Variants in FBN2 observed in about 807,000 individuals in gnomAD.
FBN2 encodes fibrillin-2.
Under a neutral mutation model 355.6 loss-of-function variants are expected in FBN2, and 105 were observed. The ratio of observed to expected loss-of-function variants is 0.30; its 90% CI spans 0.25 to 0.35. FBN2 has a LOEUF of 0.35. Ranked by LOEUF, FBN2 falls within the 10% of genes least tolerant of loss-of-function variation. FBN2 has a pLI of 1.00. For missense variants in FBN2, 3,280 were observed against 3,758.7 expected, an observed-to-expected ratio of 0.87 and a Z score of 3.33; for synonymous variants, 1,350 against 1,301.2, an observed-to-expected ratio of 1.04 and a Z score of -0.81.
intron 6 of FBN2, among the ~76,000 whole-genome samples, chr5:128,451,435 T>C (rs1455176903): frequency 1.3e-5 from 2 of 152,210 alleles, no homozygotes; most frequent in African/African-American, 2.4e-5. Context: ...TACTTGCTCC[T>C]GTTGCCCAGG....
Position 128,258,382 on chromosome 5 carries a change from T to A in FBN2, c.*1073A>T, listed in dbSNP as rs1764871743. On this transcript the variant is annotated 3_prime_UTR_variant, in exon 65 of 65. Transcript: ENST00000262464. ...ATTAATGAAAATTCTAAAAAAAAAA[T>A]GGGTTTAAAACAACAACAACAACAT... 1 of 151,996 alleles carries A rather than the reference T, an allele frequency of 6.6e-6. No homozygotes were observed. Among genetic ancestry groups the A allele is most frequent in the Non-Finnish European group, 1.5e-5 (1 of 67,930 alleles). 9.4% of individuals were successfully genotyped at this position (151,996 alleles called of 1,614,324 possible).
chr5:128,281,154 A>C (rs923185683), intron 55 of FBN2, among the ~76,000 whole-genome samples: 2 of 152,176 alleles, frequency 1.3e-5, no homozygotes, highest in East Asian at 1.9e-4. Context: ...TGGTACTACA[A>C]TTCTATTAAA....
At chr5:128,363,337 G>A (rs1256985159) in intron 18 of FBN2, among the ~76,000 whole-genome samples, 1 of 151,942 alleles carries the variant, frequency 6.6e-6, no homozygotes, top group Non-Finnish European at 1.5e-5. Context: ...TTACAGGCAC[G>A]TGCCACCATG....
chr5:128,416,160 G>A (rs1753192719), intron 7 of FBN2, among the ~76,000 whole-genome samples: 1 of 151,906 alleles, frequency 6.6e-6, no homozygotes, highest in African/African-American at 2.4e-5. Flanking sequence ...CAAGTAGCTA[G>A]GATTACAGGC....
chr5:128,341,675 G>A (rs1751024374), intron 25 of FBN2, among the ~76,000 whole-genome samples: 1 of 152,190 alleles, frequency 6.6e-6, no homozygotes, highest in Admixed American at 6.5e-5. Flanking sequence ...CATGGGCTGA[G>A]GACTTCAGTG....
At chr5:128,335,837 C>T in intron 28 of FBN2, 151 bp downstream of exon 28, 1 of 877,654 alleles carries the variant, frequency 1.1e-6, no homozygotes, top group Non-Finnish European at 1.8e-6. Context: ...GAGTCTGCTG[C>T]AAGATCACAC....
At chr5:128,370,375 G>T (rs1751900403) in intron 15 of FBN2, among the ~76,000 whole-genome samples, 1 of 151,954 alleles carries the variant, frequency 6.6e-6, no homozygotes, top group African/African-American at 2.4e-5. Context: ...ATGCAAAATG[G>T]CCATCCAATA....
chr5:128,327,639 GTT>G (rs1340152161), intron 34 of FBN2, among the ~76,000 whole-genome samples: 3 of 145,268 alleles, frequency 2.1e-5, no homozygotes, highest in Non-Finnish European at 4.5e-5. Flanking sequence ...GTTTGTTTTT[GTT>G]TTTGTTTTTT....
chr5:128,319,387 C>A (rs1356146285), intron 34 of FBN2, among the ~76,000 whole-genome samples: 1 of 151,546 alleles, frequency 6.6e-6, no homozygotes, highest in South Asian at 2.1e-4. Flanking sequence ...AAACAGCAGA[C>A]ATTTTATAGT....
intron 15 of FBN2, 28 bp downstream of exon 15, chr5:128,374,600 T>G: frequency 6.2e-7 from 1 of 1,613,774 alleles, no homozygotes; most frequent in Non-Finnish European, 8.5e-7. Flanking sequence ...TTTTGCACAG[T>G]GGGGCCATTA....
chr5:128,315,669 C>A (rs897064466), intron 36 of FBN2, among the ~76,000 whole-genome samples: 1 of 152,190 alleles, frequency 6.6e-6, no homozygotes, highest in African/African-American at 2.4e-5. Context: ...TACATACCTG[C>A]CTTTATCTCT....
chr5:128,484,100 G>T (rs1028481742), intron 5 of FBN2, among the ~76,000 whole-genome samples: 1 of 152,138 alleles, frequency 6.6e-6, no homozygotes, highest in Non-Finnish European at 1.5e-5. Context: ...TTTTCTAACA[G>T]ATTTTCATAG....
At chr5:128,380,258 T>A (rs999447033) in intron 11 of FBN2, among the ~76,000 whole-genome samples, 1 of 152,104 alleles carries the variant, frequency 6.6e-6, no homozygotes, top group African/African-American at 2.4e-5. Flanking sequence ...GACTTTCCAA[T>A]ATGAAATACC....
chr5:128,360,911 T>C (rs116079955), intron 19 of FBN2, among the ~76,000 whole-genome samples: 1,954 of 152,198 alleles, frequency 0.013, 17 homozygotes, highest in Non-Finnish European at 0.021. Context: ...AAAGTAGTAA[T>C]TGGATTTGAG....
rs1339607399 is a variant in FBN2 at position 128,258,864 on chromosome 5, T to G, written c.*591A>C. Reference sequence around the variant, plus strand: ...ACTGCCCATTCAGCTCTGTGTGGCTTTCTTTAAAATCATCAGGTGTGTATC... The same window carrying G: ...ACTGCCCATTCAGCTCTGTGTGGCTGTCTTTAAAATCATCAGGTGTGTATC... On this transcript the variant is annotated 3_prime_UTR_variant, in exon 65 of 65. Coordinates refer to ENST00000262464, the MANE Select transcript of FBN2 (RefSeq NM_001999.4). The G allele has an allele frequency of 6.5e-6, 1 of 154,700 alleles. No homozygotes were observed. The highest frequency in any genetic ancestry group is 2.4e-5 in the African/African-American group (1 of 41,458). 9.6% of individuals were successfully genotyped at this position (154,700 alleles called of 1,614,324 possible).
Position 128,392,088 on chromosome 5 carries a change from T to C in FBN2, c.1533A>G (p.Ile511Met). The C allele has an allele frequency of 6.2e-7, 1 of 1,613,538 alleles. No individual in the cohort carries two copies. The part of the protein sequence containing the change: ...HANLCLNGRC[I>M]PTVSSYRCEC... ...CACATCGGTAGCTTGAGACAGTTGGTATACAGCGTCCATTTAAACAAAGGT... is the reference window on the plus strand; with the variant it reads ...CACATCGGTAGCTTGAGACAGTTGGCATACAGCGTCCATTTAAACAAAGGT... Residue 511 changes from isoleucine to methionine, a missense_variant, in exon 11 of 65, where the codon ATA (isoleucine) becomes ATG (methionine). Transcript: ENST00000262464.
intron 17 of FBN2, 107 bp downstream of exon 17, chr5:128,366,270 T>A (rs1751764736): frequency 1.7e-6 from 1 of 573,956 alleles, no homozygotes; most frequent in Non-Finnish European, 3.1e-6. Flanking sequence ...CTTATTATTT[T>A]ATAATACTAC....
chr5:128,491,371 C>T (rs932501976), intron 5 of FBN2, among the ~76,000 whole-genome samples: 9 of 152,172 alleles, frequency 5.9e-5, no homozygotes, highest in African/African-American at 1.9e-4. Flanking sequence ...CAGTGATAGA[C>T]CTTGTGATTC....
chr5:128,391,112 A>G (rs1581258790), intron 11 of FBN2, among the ~76,000 whole-genome samples: 1 of 152,230 alleles, frequency 6.6e-6, no homozygotes, highest in Non-Finnish European at 1.5e-5. Context: ...ACAGAGTACA[A>G]AAAGTGTACT....
Sources: gnomAD v4.1 joint callset for allele counts (sites outside exome capture counted in the v4.1 genomes callset) on GRCh38, gnomAD v4.1.1 for gene constraint, MANE v1.5 for transcripts, NCBI Gene and HGNC (gene_info 2026-07-23, HGNC 2026-07-21) for gene names.